Variants in GPC6 observed in about 807,000 individuals in gnomAD.
The protein encoded by GPC6 is glypican-6.
GPC6 carries 14 observed loss-of-function variants against 55.2 expected under a neutral mutation model. That is an observed-to-expected ratio of 0.25 (90% CI 0.17 to 0.40). The LOEUF (loss-of-function observed/expected upper bound fraction) is 0.40, where lower values mean the gene tolerates loss of function less well. Among genes scored for constraint, GPC6 ranks in the 10% least tolerant of loss-of-function variants. GPC6 has a pLI of 1.00. For synonymous variants in GPC6, 278 were observed against 259.6 expected (o/e 1.07, Z -0.68); for missense variants, 641 against 708.5 (o/e 0.90, Z 1.08).
chr13:93,544,489 C>T (rs895042475), intron 1 of GPC6, among the ~76,000 whole-genome samples: 7 of 152,270 alleles, frequency 4.6e-5, no homozygotes, highest in African/African-American at 1.7e-4. Context: ...TTGACACTAA[C>T]TGAGCTGCTT....
At chr13:93,551,667 C>T (rs74367360) in intron 2 of GPC6, among the ~76,000 whole-genome samples, 1 of 152,282 alleles carries the variant, frequency 6.6e-6, no homozygotes, top group East Asian at 1.9e-4. Flanking sequence ...AGAGATTATA[C>T]TACTCCCAAG....
At chr13:94,049,262 AAG>A (rs1491496423) in intron 4 of GPC6, among the ~76,000 whole-genome samples, 1 of 150,714 alleles carries the variant, frequency 6.6e-6, no homozygotes, top group Non-Finnish European at 1.5e-5. Flanking sequence ...AAAAAAAAAA[AAG>A]AGGCATTGTC....
Position 93,299,800 on chromosome 13 carries a change from A to G in GPC6, c.160+72184A>G, listed in dbSNP as rs528675013. Among the ~76,000 whole-genome samples, 37 of 152,368 alleles carry G rather than the reference A, an allele frequency of 2.4e-4. 1 individual carries two copies. In the South Asian group the frequency reaches 7.5e-3, roughly 31 times the overall value. On this transcript the variant is annotated intron_variant, in intron 1 of 8. Coordinates refer to ENST00000377047, the MANE Select transcript of GPC6 (RefSeq NM_005708.5). ...AAGTTATAAATTATATGTAATTACT[A>G]GTATCAACTAGAGGAGATCAAGTAC...
intron 4 of GPC6, among the ~76,000 whole-genome samples, chr13:94,134,212 G>C (rs1363542486): frequency 6.6e-6 from 1 of 152,304 alleles, no homozygotes; most frequent in Admixed American, 6.5e-5. Flanking sequence ...GTTAAAGGCT[G>C]TGAGCATTAG....
At chr13:93,357,757 T>G (rs1229858713) in intron 1 of GPC6, among the ~76,000 whole-genome samples, 2 of 152,068 alleles carry the variant, frequency 1.3e-5, no homozygotes, top group Non-Finnish European at 2.9e-5. Flanking sequence ...ATCGCTTGAG[T>G]CCAGGAGATT....
intron 1 of GPC6, among the ~76,000 whole-genome samples, chr13:93,302,921 T>G (rs887113128): frequency 2.4e-4 from 36 of 152,220 alleles, no homozygotes; most frequent in African/African-American, 7.7e-4. Flanking sequence ...ACTTAGGAGA[T>G]TTGCAAACAT....
At chr13:94,231,889 T>A (rs1388048591) in intron 4 of GPC6, among the ~76,000 whole-genome samples, 1 of 152,096 alleles carries the variant, frequency 6.6e-6, no homozygotes. Context: ...TTAATAAAAA[T>A]TTTTAAAAAG....
intron 2 of GPC6, among the ~76,000 whole-genome samples, chr13:93,591,171 A>AAAAT (rs71123498): frequency 6.6e-6 from 1 of 150,752 alleles, no homozygotes; most frequent in East Asian, 1.9e-4. Context: ...AAAAAAAAAA[A>AAAAT]GGAAATCACC....
At chr13:93,708,312 C>CT (rs898745711) in intron 2 of GPC6, among the ~76,000 whole-genome samples, 12 of 151,600 alleles carry the variant, frequency 7.9e-5, no homozygotes, top group East Asian at 2.0e-4. Context: ...ACTGGCATAT[C>CT]TTTTTTTATC....
chr13:93,372,364 T>C (rs1874695238), intron 1 of GPC6, among the ~76,000 whole-genome samples: 1 of 152,144 alleles, frequency 6.6e-6, no homozygotes, highest in Admixed American at 6.6e-5. Flanking sequence ...TGTAAGGCTC[T>C]ATTAATATTT....
At position 93,722,080 on chromosome 13, in the gene GPC6, T is replaced by C. The variant is rs1883473904; in HGVS notation, c.320-108074T>C. Among the ~76,000 whole-genome samples, 2 of 151,766 alleles carry C rather than the reference T, an allele frequency of 1.3e-5. 1 individual carries two copies. The highest frequency in any genetic ancestry group is 4.1e-4 in the South Asian group (2 of 4,826). On this transcript the variant is annotated intron_variant, in intron 2 of 8. Coordinates refer to ENST00000377047, the MANE Select transcript of GPC6 (RefSeq NM_005708.5). ...TTTAAATAGCTTCACTTAAGTACTT[T>C]AATAAATAACATTGTTTTATGGTAT...
At chr13:94,063,453 G>T (rs1294584300) in intron 4 of GPC6, among the ~76,000 whole-genome samples, 1 of 152,140 alleles carries the variant, frequency 6.6e-6, no homozygotes, top group Admixed American at 6.5e-5. Flanking sequence ...GCCTGAGACT[G>T]CTAACATAGG....
At chr13:93,673,680 T>C (rs1039416169) in intron 2 of GPC6, among the ~76,000 whole-genome samples, 6 of 152,194 alleles carry the variant, frequency 3.9e-5, no homozygotes, top group Admixed American at 3.3e-4. Flanking sequence ...CTTTTTTGTA[T>C]GTTAAAATTC....
intron 2 of GPC6, among the ~76,000 whole-genome samples, chr13:93,561,158 C>T (rs923574429): frequency 1.3e-5 from 2 of 152,010 alleles, no homozygotes; most frequent in Non-Finnish European, 2.9e-5. Context: ...CAAACATCTG[C>T]ATGTGGAGTA....
At chr13:94,379,638 T>C (rs1474131553) in intron 6 of GPC6, among the ~76,000 whole-genome samples, 2 of 152,164 alleles carry the variant, frequency 1.3e-5, no homozygotes, top group Non-Finnish European at 2.9e-5. Context: ...TTCAATCCAT[T>C]ATCTTAACCA....
chr13:93,606,739 T>C (rs1878252909), intron 2 of GPC6, among the ~76,000 whole-genome samples: 1 of 152,220 alleles, frequency 6.6e-6, no homozygotes, highest in Admixed American at 6.5e-5. Flanking sequence ...ACATCTATAA[T>C]ATGTAATCTA....
In GPC6 at chr13:94,022,939, A is replaced by G. The variant is rs371801113; in HGVS notation, c.712-4790A>G. 1.8e-4 allele frequency among the ~76,000 whole-genome samples: 28 copies of G among 152,222 alleles called. No homozygotes were observed. The East Asian group carries it at 3.9e-3, about 21-fold the overall frequency. On this transcript the variant is annotated intron_variant, in intron 3 of 8. Transcript: ENST00000377047. Reference sequence around the variant, plus strand: ...ATGTAAAAGTTAGGTGAGAGCTCAAATAAGTATTAAAAATAATGTTGTCAT... The same window carrying G: ...ATGTAAAAGTTAGGTGAGAGCTCAAGTAAGTATTAAAAATAATGTTGTCAT...
intron 4 of GPC6, among the ~76,000 whole-genome samples, chr13:94,074,592 C>G (rs1884843845): frequency 6.6e-6 from 1 of 152,178 alleles, no homozygotes; most frequent in Non-Finnish European, 1.5e-5. Context: ...AAGTCACCAA[C>G]AGTTGTCCTT....
intron 1 of GPC6, among the ~76,000 whole-genome samples, chr13:93,369,887 G>T: frequency 6.6e-6 from 1 of 152,158 alleles, no homozygotes; most frequent in Admixed American, 6.6e-5. Context: ...CAAATCATCA[G>T]TTTTTTCCAT....
Sources: gnomAD v4.1 joint callset for allele counts (sites outside exome capture counted in the v4.1 genomes callset) on GRCh38, gnomAD v4.1.1 for gene constraint, MANE v1.5 for transcripts, NCBI Gene and HGNC (gene_info 2026-07-23, HGNC 2026-07-21) for gene names.